Variants in CEP72 observed in about 807,000 individuals in gnomAD.
CEP72 encodes centrosomal protein of 72 kDa.
In CEP72, 78 loss-of-function variants were observed where a neutral mutation model predicts 65.7. The ratio of observed to expected loss-of-function variants is 1.19; its 90% CI spans 0.99 to 1.43. The LOEUF (loss-of-function observed/expected upper bound fraction) is 1.43. Ranked by LOEUF, CEP72 falls within the 40% of genes most tolerant of loss-of-function variation. The pLI, the probability that CEP72 is intolerant of heterozygous loss-of-function variation, is 0.00. For missense variants in CEP72, 914 were observed against 832.9 expected (o/e 1.10, Z -1.20); for synonymous variants, 358 against 351.7 (o/e 1.02, Z -0.20).
the CEP72 span, among the ~76,000 whole-genome samples, chr5:673,264 T>C: frequency 1.3e-5 from 2 of 152,170 alleles, no homozygotes; most frequent in Non-Finnish European, 2.9e-5. Flanking sequence ...TCTCTCTTCC[T>C]GAGACAAGGG....
intron 7 of CEP72, among the ~76,000 whole-genome samples, chr5:638,332 T>C (rs1393519701): frequency 6.6e-6 from 1 of 151,982 alleles, no homozygotes; most frequent in African/African-American, 2.4e-5. Context: ...CAGGGTGACC[T>C]AGAGGTCAGG....
chr5:665,385 C>A lies in CEP72; in HGVS notation n.433+60C>A, dbSNP rs546337589. On this transcript the variant is annotated intron_variant and non_coding_transcript_variant, in intron 3 of 4. Coordinates refer to the CEP72 transcript ENST00000514507. ...ATGGCTGTGCCCTGGGCAGGTCTCC[C>A]AGCGGTGGGGCACTGGGCAAGGGGC... 2,125 of 1,287,270 alleles carry A rather than the reference C, an allele frequency of 1.7e-3. 6 individuals are homozygous for A. The highest frequency in any genetic ancestry group is 1.8e-3 in the Non-Finnish European group (1,670 of 931,990). The allele number at this position is 1,287,270 out of a possible 1,614,324, so 79.7% of individuals were successfully genotyped here. A position where few individuals can be genotyped will look rare whatever the true frequency, so the allele number is the denominator to read the frequency against.
chr5:655,816 T>C (rs533316054), downstream of CEP72, among the ~76,000 whole-genome samples: 1 of 152,376 alleles, frequency 6.6e-6, no homozygotes, highest in East Asian at 1.9e-4. The surrounding 1 kb of genome is among the most constrained non-coding windows in gnomAD (Gnocchi z 5.0). Flanking sequence ...GCAGGTGTTA[T>C]TTATGATTCT....
In CEP72 at chr5:637,636, T is replaced by C; in HGVS notation, c.1024T>C (p.Phe342Leu). 6.2e-7 allele frequency: 1 copy of C among 1,614,042 alleles called. No individual in the cohort carries two copies. Among genetic ancestry groups the C allele is most frequent in the South Asian group, 1.1e-5 (1 of 91,084 alleles). ...CRKRRMPVGR[F>L]QTFSDQEGLG... ...GAAGCGAAGAATGCCTGTTGGAAGA[T>C]TCCAGACGTTTTCGGACCAGGAGGG... Residue 342 changes from phenylalanine to leucine, a missense_variant, in exon 7 of 12, where the codon TTC becomes CTC. Phe to Leu is a conservative substitution (Grantham distance 22, BLOSUM62 0). Coordinates refer to ENST00000264935, the MANE Select transcript of CEP72 (RefSeq NM_018140.4).
chr5:620,391 A>G (rs1198200308), intron 3 of CEP72, 130 bp downstream of exon 3: 7 of 777,178 alleles, frequency 9.0e-6, no homozygotes, highest in Non-Finnish European at 1.5e-5. Context: ...TTGGTTTTCT[A>G]CGCTGGTGGC....
At chr5:654,460 T>C (rs1428082489), downstream of CEP72, among the ~76,000 whole-genome samples, 1 of 151,626 alleles carries the variant, frequency 6.6e-6, no homozygotes, top group Non-Finnish European at 1.5e-5. Context: ...TGCTTCTGTG[T>C]GTGTGTGTGT....
intron 5 of CEP72, among the ~76,000 whole-genome samples, chr5:634,225 A>G (rs1369816766): frequency 6.6e-6 from 1 of 152,260 alleles, no homozygotes; most frequent in Non-Finnish European, 1.5e-5. Context: ...AAAACAGACA[A>G]GAAGCCTAGT....
At chr5:635,130 T>C (rs112917940) in intron 5 of CEP72, among the ~76,000 whole-genome samples, 127 of 152,326 alleles carry the variant, frequency 8.3e-4, no homozygotes, top group Admixed American at 2.0e-3. Context: ...TTTGCTCCAC[T>C]TCATGCGGCT....
Position 624,529 on chromosome 5 carries a change from G to T in CEP72, c.462G>T (p.Glu154Asp). Residue 154 changes from glutamate to aspartate, a missense_variant, in exon 4 of 12, where the codon GAG becomes GAT. By Grantham distance (45) the Glu-to-Asp change is conservative. Coordinates refer to ENST00000264935, the MANE Select transcript of CEP72 (RefSeq NM_018140.4). This position sits in a 1 kb window ranked among gnomAD's most constrained non-coding sequence, Gnocchi z 4.7. ...RKASRLHFASEDSLDSKESVP... is the reference protein window; with the variant it reads ...RKASRLHFASDDSLDSKESVP... ...CTTCCCGACTGCATTTTGCATCAGA[G>T]GACTCACTCGACTCCAAAGAGAGCG... The T allele has an allele frequency of 6.2e-7, 1 of 1,614,160 alleles. No homozygotes were observed.
At chr5:675,951 T>G in the CEP72 span, 1 of 152,142 alleles carries the variant, frequency 6.6e-6, no homozygotes, top group African/African-American at 2.4e-5. Flanking sequence ...CCACTGGGAC[T>G]GGACAGGGTC....
intron 10 of CEP72, among the ~76,000 whole-genome samples, chr5:647,450 C>G (rs1738497222): frequency 6.6e-6 from 1 of 152,368 alleles, no homozygotes; most frequent in Non-Finnish European, 1.5e-5. Context: ...GCCCTCCCTT[C>G]AGGGGCACAG....
intron 9 of CEP72, chr5:643,723 T>C: frequency 3.2e-6 from 3 of 931,904 alleles, no homozygotes; most frequent in Non-Finnish European, 3.8e-6. Context: ...CTTGGATGGC[T>C]CACACCTCAC....
chr5:658,778 C>T (rs1355280251), downstream of CEP72, among the ~76,000 whole-genome samples: 1 of 149,820 alleles, frequency 6.7e-6, no homozygotes, highest in Non-Finnish European at 1.5e-5. Context: ...ACGCCATTCT[C>T]CTGCCTCAGC....
chr5:665,663 C>T (rs1171317674), intron 3 of CEP72, among the ~76,000 whole-genome samples: 8 of 141,640 alleles, frequency 5.6e-5, no homozygotes, highest in African/African-American at 8.0e-5. Context: ...CCCCAGGCCA[C>T]GCCGACCTGG....
In CEP72 at chr5:644,445, G is replaced by T. The variant is rs1197943667; in HGVS notation, c.1666+20G>T. 2.5e-6 allele frequency: 4 copies of T among 1,612,316 alleles called. No individual in the cohort carries two copies. The African/African-American group carries it at 4.0e-5, about 16-fold the overall frequency. ...TCGCTGGTAAGTTGATCGTGTATTT[G>T]GTCACTTTGTAAACTTTAGGTGTTC... On this transcript the variant is annotated intron_variant, in intron 10 of 11. Transcript: ENST00000264935.
chr5:613,183 T>C (rs1175962477), intron 1 of CEP72, among the ~76,000 whole-genome samples: 1 of 152,206 alleles, frequency 6.6e-6, no homozygotes, highest in Non-Finnish European at 1.5e-5. Context: ...TGGTGTTCTG[T>C]TGTTAGCCTG....
chr5:620,192 C>A lies in CEP72; in HGVS notation c.334C>A (p.Pro112Thr), dbSNP rs746546998. ...ELVDVDFRLNPVVKVEPDYRL... is the reference protein window; with the variant it reads ...ELVDVDFRLNTVVKVEPDYRL... ...CGTGGATGTGGACTTCCGGCTGAAC[C>A]CCGTGGTGAAGGTTGAGCCTGACTA... Residue 112 changes from proline (P) to threonine (T), a missense_variant, in exon 3 of 12, where the codon CCC (proline) becomes ACC (threonine). Coordinates refer to ENST00000264935, the MANE Select transcript of CEP72 (RefSeq NM_018140.4). 66 of 1,614,074 alleles carry A rather than the reference C, an allele frequency of 4.1e-5. No homozygotes were observed. Among genetic ancestry groups the A allele is most frequent in the Non-Finnish European group, 1.8e-5 (21 of 1,180,044 alleles).
At chr5:633,126 A>T (rs1368367133) in intron 4 of CEP72, among the ~76,000 whole-genome samples, 1 of 54,176 alleles carries the variant, frequency 1.8e-5, no homozygotes, top group Non-Finnish European at 3.2e-5. Flanking sequence ...CGGGATTTAG[A>T]CCAGTCCTGG....
At chr5:636,203 A>G (rs1737586175) in intron 6 of CEP72, among the ~76,000 whole-genome samples, 1 of 152,196 alleles carries the variant, frequency 6.6e-6, no homozygotes, top group Admixed American at 6.5e-5. Context: ...TTACTATGAA[A>G]TTTCTCCTGT....
Sources: gnomAD v4.1 joint callset for allele counts (sites outside exome capture counted in the v4.1 genomes callset) on GRCh38, gnomAD v4.1.1 for gene constraint, Gnocchi (gnomAD v3.1) non-coding constraint, MANE v1.5 for transcripts, NCBI Gene and HGNC (gene_info 2026-07-23, HGNC 2026-07-21) for gene names.